Variants in NFAM1 observed in about 807,000 individuals in gnomAD.
NFAM1 encodes NFAT activation molecule 1.
In NFAM1, 17 loss-of-function variants were observed where a neutral mutation model predicts 29.0. The observed-to-expected ratio is 0.59, with a 90% CI of 0.40 to 0.88. NFAM1 has a LOEUF of 0.88. NFAM1 is among the 40% of genes least tolerant of loss of function. The pLI is 0.00. For synonymous variants in NFAM1, 175 were observed against 147.2 expected (o/e 1.19, Z -1.36); for missense variants, 324 against 344.6 (o/e 0.94, Z 0.47).
intron 4 of NFAM1, among the ~76,000 whole-genome samples, chr22:42,395,352 T>C (rs1929484967): frequency 6.6e-6 from 1 of 151,830 alleles, no homozygotes; most frequent in Non-Finnish European, 1.5e-5. Flanking sequence ...GGTGGTCTCC[T>C]GTAATCCCAG....
chr22:42,419,642 G>A lies in NFAM1; in HGVS notation c.122-7906C>T, dbSNP rs909959926. Among the ~76,000 whole-genome samples the A allele has an allele frequency of 5.9e-5, 9 of 152,240 alleles. No individual in the cohort carries two copies. The highest frequency in any genetic ancestry group is 5.8e-4 in the East Asian group (3 of 5,184). On this transcript the variant is annotated intron_variant, in intron 1 of 5. Coordinates refer to ENST00000329021, the MANE Select transcript of NFAM1 (RefSeq NM_145912.8). The surrounding 1 kb of genome is among the most constrained non-coding windows in gnomAD (Gnocchi z 4.5). ...CTGGCCCTCACTCGCCCACTCCTGCGTAGACGTCAGCCTGCCACACTCCGG... is the reference window on the plus strand; with the variant it reads ...CTGGCCCTCACTCGCCCACTCCTGCATAGACGTCAGCCTGCCACACTCCGG...
intron 1 of NFAM1, among the ~76,000 whole-genome samples, chr22:42,426,120 T>C (rs1316498808): frequency 6.6e-6 from 1 of 152,186 alleles, no homozygotes; most frequent in Admixed American, 6.5e-5. Flanking sequence ...ATGGGAGTCC[T>C]CTGCCTCCGG....
chr22:42,411,328 A>G, intron 2 of NFAM1, 79 bp downstream of exon 2: 2 of 1,164,410 alleles, frequency 1.7e-6, no homozygotes, highest in Non-Finnish European at 2.5e-6. Context: ...CCCATTCTCT[A>G]TTTCCGATCC....
chr22:42,416,876 G>C (rs1227482780), intron 1 of NFAM1, among the ~76,000 whole-genome samples: 1 of 152,190 alleles, frequency 6.6e-6, no homozygotes, highest in East Asian at 1.9e-4. Context: ...TTCTAGACTG[G>C]CTCATGCAGC....
In NFAM1 at chr22:42,383,371, C is replaced by G. The variant is rs554106148; in HGVS notation, c.*1790G>C. ...CCTCCTTGGCTGGTGGAGCCAGGAG[C>G]CTGGGAGGCCCCTGTGCACACCTGG... On this transcript the variant is annotated 3_prime_UTR_variant, in exon 6 of 6. Transcript: ENST00000329021. 1.3e-5 allele frequency: 2 copies of G among 152,908 alleles called. No individual in the cohort carries two copies. The highest frequency in any genetic ancestry group is 1.9e-4 in the East Asian group (1 of 5,188). 9.5% of individuals were successfully genotyped at this position (152,908 alleles called of 1,614,324 possible).
intron 1 of NFAM1, among the ~76,000 whole-genome samples, chr22:42,428,435 C>CT (rs903750297): frequency 2.0e-5 from 3 of 152,104 alleles, no homozygotes; most frequent in East Asian, 1.9e-4. Context: ...TCCTGAACAT[C>CT]TTTTTTTATT....
chr22:42,382,396 G>A lies in NFAM1; in HGVS notation c.*2765C>T, dbSNP rs1198002680. 11 of 152,114 alleles carry A rather than the reference G, an allele frequency of 7.2e-5. No individual in the cohort carries two copies. Among genetic ancestry groups the A allele is most frequent in the Admixed American group, 7.2e-4 (11 of 15,276 alleles). 9.4% of individuals were successfully genotyped at this position (152,114 alleles called of 1,614,324 possible). On this transcript the variant is annotated 3_prime_UTR_variant, in exon 6 of 6. Coordinates refer to ENST00000329021, the MANE Select transcript of NFAM1 (RefSeq NM_145912.8). Reference sequence around the variant, plus strand: ...GTCACTGCAAACTGAGGCTCAGGTGGCCAGTGACTTGCCCAAGTCCACAAG... The same window carrying A: ...GTCACTGCAAACTGAGGCTCAGGTGACCAGTGACTTGCCCAAGTCCACAAG...
intron 4 of NFAM1, among the ~76,000 whole-genome samples, chr22:42,392,786 T>C (rs927343022): frequency 1.3e-5 from 2 of 152,086 alleles, no homozygotes; most frequent in Non-Finnish European, 2.9e-5. Flanking sequence ...TTTTTTCTTC[T>C]ATTTTTAAAT....
chr22:42,385,208 T>C lies in NFAM1; in HGVS notation c.766A>G (p.Arg256Gly), dbSNP rs763690917. 1 of 1,609,822 alleles carries C rather than the reference T, an allele frequency of 6.2e-7. No individual in the cohort carries two copies. Among genetic ancestry groups the C allele is most frequent in the Non-Finnish European group, 8.5e-7 (1 of 1,176,080 alleles). Reference sequence around the variant, plus strand: ...TTAAGTTCGCCATCATCTTCGAATCTATGCGGTCTCTCCTGGATAGAAAAG... The same window carrying C: ...TTAAGTTCGCCATCATCTTCGAATCCATGCGGTCTCTCCTGGATAGAAAAG... ...QSPLSQERPH[R>G]FEDDGELNLV... The change falls in exon 6 of 6, where the codon AGA becomes GGA. Residue 256 changes from arginine (R) to glycine (G), a missense_variant. Coordinates refer to ENST00000329021, the MANE Select transcript of NFAM1 (RefSeq NM_145912.8).
At chr22:42,387,693 C>A (rs553210533) in intron 4 of NFAM1, among the ~76,000 whole-genome samples, 1 of 152,190 alleles carries the variant, frequency 6.6e-6, no homozygotes, top group East Asian at 1.9e-4. Flanking sequence ...CTCAGCACAC[C>A]CCTCATCCCC....
At position 42,384,818 on chromosome 22, in the gene NFAM1, G is replaced by C; in HGVS notation, c.*343C>G. 2.6e-6 allele frequency: 1 copy of C among 390,450 alleles called. No homozygotes were observed. The highest frequency in any genetic ancestry group is 4.8e-6 in the Non-Finnish European group (1 of 208,142). 24.2% of individuals were successfully genotyped at this position (390,450 alleles called of 1,614,324 possible). A position where few individuals can be genotyped will look rare whatever the true frequency, so the allele number is the denominator to read the frequency against. On this transcript the variant is annotated 3_prime_UTR_variant, in exon 6 of 6. Transcript: ENST00000329021. The stretch of plus-strand genomic sequence containing the variant: ...CAGGCTGGTGCCAAGAGAGCATGCT[G>C]CTCTGTCAGCATGAGGCAGTGAGCA...
chr22:42,426,697 C>A (rs1225903444), intron 1 of NFAM1, among the ~76,000 whole-genome samples: 1 of 152,150 alleles, frequency 6.6e-6, no homozygotes, highest in African/African-American at 2.4e-5. Context: ...CATGGTGAGC[C>A]CCTTGGCCTG....
chr22:42,430,071 T>C (rs1362609822), intron 1 of NFAM1, among the ~76,000 whole-genome samples: 5 of 151,728 alleles, frequency 3.3e-5, no homozygotes, highest in Admixed American at 1.3e-4. Flanking sequence ...GAGACCAGCC[T>C]GGGCAACACT....
At chr22:42,397,831 G>T in intron 4 of NFAM1, 27 bp downstream of exon 4, 1 of 1,304,018 alleles carries the variant, frequency 7.7e-7, no homozygotes, top group Non-Finnish European at 1.1e-6. Context: ...GAAAGAGGTG[G>T]AGGGAGCCGG....
In NFAM1 at chr22:42,409,428, C is replaced by G. The variant is rs553760165; in HGVS notation, c.564+7G>C. 5 of 1,431,142 alleles carry G rather than the reference C, an allele frequency of 3.5e-6. No individual in the cohort carries two copies. The South Asian group carries it at 5.7e-5, about 16-fold the overall frequency. 88.7% of individuals were successfully genotyped at this position (1,431,142 alleles called of 1,614,324 possible). A position where few individuals can be genotyped will look rare whatever the true frequency, so the allele number is the denominator to read the frequency against. On this transcript the variant is annotated splice_region_variant and intron_variant, in intron 3 of 5. Transcript: ENST00000329021. This position sits in a 1 kb window ranked among gnomAD's most constrained non-coding sequence, Gnocchi z 4.9. ...GGGCTGCATGGCTGTGAGCACTGAT[C>G]CCGTACCTTGTTCCAGAGCAGCAGG...
chr22:42,405,747 C>G (rs929531373), intron 3 of NFAM1, among the ~76,000 whole-genome samples: 2 of 152,156 alleles, frequency 1.3e-5, no homozygotes, highest in Non-Finnish European at 2.9e-5. Flanking sequence ...AGCACAGAGC[C>G]CTCCTGGACT....
chr22:42,410,384 GT>G (rs1930040751), intron 2 of NFAM1: 1 of 364,190 alleles, frequency 2.7e-6, no homozygotes, highest in Non-Finnish European at 5.5e-6. Context: ...AACTGGCTGG[GT>G]GTGCTGGCTC....
upstream of NFAM1, among the ~76,000 whole-genome samples, chr22:42,434,900 C>T (rs895845378): frequency 1.3e-5 from 2 of 152,192 alleles, no homozygotes; most frequent in Non-Finnish European, 2.9e-5. Context: ...CCCGTTTATC[C>T]GTGCATCTAT....
chr22:42,432,801 A>G (rs527971952), upstream of NFAM1, among the ~76,000 whole-genome samples: 21 of 152,218 alleles, frequency 1.4e-4, no homozygotes, highest in African/African-American at 4.6e-4. Flanking sequence ...TCCCTTAATA[A>G]TGTGTTTACC....
Sources: gnomAD v4.1 joint callset for allele counts (sites outside exome capture counted in the v4.1 genomes callset) on GRCh38, gnomAD v4.1.1 for gene constraint, Gnocchi (gnomAD v3.1) non-coding constraint, MANE v1.5 for transcripts, NCBI Gene and HGNC (gene_info 2026-07-23, HGNC 2026-07-21) for gene names.